The following CNTN6 variants were observed in gnomAD, a reference collection of about 807,000 sequenced individuals.
CNTN6 encodes contactin 6, also known as contactin-6.
Under a neutral mutation model 122.8 loss-of-function variants are expected in CNTN6, and 137 were observed. The ratio of observed to expected loss-of-function variants is 1.12; its 90% CI spans 0.97 to 1.29. CNTN6 has a LOEUF of 1.29. Ranked by LOEUF, CNTN6 falls within the 50% of genes most tolerant of loss-of-function variation. The pLI is 0.00. For missense variants in CNTN6, 1,634 were observed against 1,223.4 expected, an observed-to-expected ratio of 1.34 and a Z score of -5.01; for synonymous variants, 570 against 426.0, an observed-to-expected ratio of 1.34 and a Z score of -4.16.
intron 5 of CNTN6, among the ~76,000 whole-genome samples, chr3:1,282,803 T>C (rs987924766): frequency 2.0e-5 from 3 of 152,184 alleles, no homozygotes; most frequent in Non-Finnish European, 4.4e-5. Context: ...CTATTATAAT[T>C]CTTCCCTATT....
chr3:1,329,908 G>T lies in CNTN6; in HGVS notation c.1337G>T (p.Gly446Val). The change falls in exon 11 of 23, where the codon GGA (glycine) becomes GTA (valine). Residue 446 changes from glycine (G) to valine (V), a missense_variant. Physicochemically the swap from Gly to Val is moderately radical, Grantham distance 109. Coordinates refer to ENST00000446702, the MANE Select transcript of CNTN6 (RefSeq NM_001289080.2). ...FPRAAISWKR[G>V]TETLRQSKRI... Reference sequence around the variant, plus strand: ...AGGGCAGCTATCTCTTGGAAAAGAGGAACGGAGACCCTTAGACAAAGCAAA... The same window carrying T: ...AGGGCAGCTATCTCTTGGAAAAGAGTAACGGAGACCCTTAGACAAAGCAAA... 1 of 1,609,636 alleles carries T rather than the reference G, an allele frequency of 6.2e-7. No individual in the cohort carries two copies. Among genetic ancestry groups the T allele is most frequent in the Non-Finnish European group, 8.5e-7 (1 of 1,177,372 alleles).
intron 11 of CNTN6, among the ~76,000 whole-genome samples, chr3:1,336,310 T>TA (rs1703059313): frequency 6.6e-6 from 1 of 151,912 alleles, no homozygotes; most frequent in African/African-American, 2.4e-5. Context: ...GCACATTTTT[T>TA]TTTCATATTC....
chr3:1,287,135 C>A (rs1200998841), intron 5 of CNTN6, among the ~76,000 whole-genome samples: 1 of 152,108 alleles, frequency 6.6e-6, no homozygotes, highest in South Asian at 2.1e-4. Context: ...GACTTTAACA[C>A]CCCACTGTCA....
chr3:1,180,962 T>G (rs967592931), intron 2 of CNTN6, among the ~76,000 whole-genome samples: 2 of 152,172 alleles, frequency 1.3e-5, no homozygotes, highest in African/African-American at 4.8e-5. Context: ...TTTTTTTACT[T>G]TTTTTTCTTT....
At chr3:1,097,601 T>C (rs2090600380) in intron 1 of CNTN6, among the ~76,000 whole-genome samples, 1 of 152,176 alleles carries the variant, frequency 6.6e-6, no homozygotes, top group Admixed American at 6.5e-5. Flanking sequence ...TCCCTATATC[T>C]AGCACAGAAT....
chr3:1,381,961 A>C (rs1392596748), intron 17 of CNTN6, among the ~76,000 whole-genome samples: 2 of 88 alleles, frequency 0.023, no homozygotes, highest in African/African-American at 0.067. Context: ...CATGGGTTCC[A>C]AGTGGCAAGT....
intron 11 of CNTN6, among the ~76,000 whole-genome samples, chr3:1,336,863 G>A (rs1192378916): frequency 6.6e-6 from 1 of 152,064 alleles, no homozygotes; most frequent in East Asian, 1.9e-4. Flanking sequence ...TTCCATTGTG[G>A]GAAAACTACA....
At chr3:1,108,007 G>C (rs968545679) in intron 1 of CNTN6, among the ~76,000 whole-genome samples, 1 of 152,036 alleles carries the variant, frequency 6.6e-6, no homozygotes, top group African/African-American at 2.4e-5. Context: ...TTAAGGCTCT[G>C]GGTGTTAATG....
At chr3:1,152,665 C>T (rs1286479167) in intron 2 of CNTN6, among the ~76,000 whole-genome samples, 3 of 152,048 alleles carry the variant, frequency 2.0e-5, no homozygotes, top group African/African-American at 7.2e-5. Context: ...CTTTTATGTA[C>T]AATTTGAAAA....
chr3:1,387,912 C>T (rs189308976), intron 20 of CNTN6, among the ~76,000 whole-genome samples: 19 of 152,238 alleles, frequency 1.2e-4, no homozygotes, highest in Middle Eastern at 3.4e-3. Flanking sequence ...GAGGGTCCTA[C>T]GCCCACGGAA....
At chr3:1,381,980 T>G (rs534681052) in intron 17 of CNTN6, among the ~76,000 whole-genome samples, 7 of 151,948 alleles carry the variant, frequency 4.6e-5, no homozygotes, top group African/African-American at 1.7e-4. Context: ...GTAGATAGTG[T>G]GATTGATAGA....
intron 16 of CNTN6, among the ~76,000 whole-genome samples, chr3:1,375,358 C>A (rs1423620574): frequency 6.6e-6 from 1 of 151,974 alleles, no homozygotes; most frequent in Non-Finnish European, 1.5e-5. Flanking sequence ...ATATTCATAC[C>A]CACTGAGTCA....
chr3:1,308,982 T>C (rs1698808333), intron 7 of CNTN6, among the ~76,000 whole-genome samples: 1 of 152,166 alleles, frequency 6.6e-6, no homozygotes, highest in African/African-American at 2.4e-5. Flanking sequence ...ATTGGTATGT[T>C]TATTTTCTTA....
In CNTN6 at chr3:1,388,320, A is replaced by C. The variant is rs578189808; in HGVS notation, c.2704+2523A>C. On this transcript the variant is annotated intron_variant, in intron 20 of 22. Transcript: ENST00000446702. Reference sequence around the variant, plus strand: ...GGGGCACACTGACACCTCACACGGCAGGGTATGCCAACAGACCTGAAGCTG... The same window carrying C: ...GGGGCACACTGACACCTCACACGGCCGGGTATGCCAACAGACCTGAAGCTG... 3.5e-4 allele frequency among the ~76,000 whole-genome samples: 51 copies of C among 146,470 alleles called. 1 individual carries two copies. The highest frequency in any genetic ancestry group is 8.8e-4 in the South Asian group (4 of 4,524).
At position 1,227,853 on chromosome 3, in the gene CNTN6, T is replaced by A; in HGVS notation, c.218T>A (p.Met73Lys). ...AATGGCACAGACATTGATTTTACTATGAGTTATCACTACAGGTTGGATGGA... is the reference window on the plus strand; with the variant it reads ...AATGGCACAGACATTGATTTTACTAAGAGTTATCACTACAGGTTGGATGGA... ...KQNGTDIDFTMSYHYRLDGGS... is the reference protein window; with the variant it reads ...KQNGTDIDFTKSYHYRLDGGS... The change falls in exon 4 of 23, where the codon ATG becomes AAG. Residue 73 changes from methionine to lysine, a missense_variant. Physicochemically the swap from Met to Lys is moderately conservative, Grantham distance 95 (BLOSUM62 -1). Coordinates refer to ENST00000446702, the MANE Select transcript of CNTN6 (RefSeq NM_001289080.2). 6.2e-7 allele frequency: 1 copy of A among 1,613,612 alleles called. No individual in the cohort carries two copies. Among genetic ancestry groups the A allele is most frequent in the Non-Finnish European group, 8.5e-7 (1 of 1,179,568 alleles).
chr3:1,357,104 AAATAT>A (rs1463593101), intron 12 of CNTN6, among the ~76,000 whole-genome samples: 4 of 151,930 alleles, frequency 2.6e-5, no homozygotes, highest in African/African-American at 9.7e-5. Flanking sequence ...ATATTTTACA[AAATAT>A]AATGTAAAGG....
At chr3:1,244,217 G>C (rs936527687) in intron 4 of CNTN6, among the ~76,000 whole-genome samples, 1 of 152,118 alleles carries the variant, frequency 6.6e-6, no homozygotes, top group Admixed American at 6.5e-5. Context: ...CACAGGCTAA[G>C]GGAGAAGAAG....
intron 5 of CNTN6, among the ~76,000 whole-genome samples, chr3:1,292,967 GT>G (rs143341103): frequency 0.099 from 15,090 of 151,678 alleles, 833 homozygotes; most frequent in African/African-American, 0.15. Context: ...TGCTGCTTAG[GT>G]TTTTTTTCCC....
intron 1 of CNTN6, among the ~76,000 whole-genome samples, chr3:1,094,656 T>A (rs1264503529): frequency 6.6e-6 from 1 of 152,128 alleles, no homozygotes; most frequent in East Asian, 1.9e-4. Flanking sequence ...ACTTGTTTAC[T>A]TAGAAAAGGA....
Sources: allele counts gnomAD v4.1 joint callset (sites outside exome capture counted in the v4.1 genomes callset), GRCh38; gene constraint gnomAD v4.1.1; transcripts MANE v1.5; gene names NCBI Gene and HGNC (gene_info 2026-07-23, HGNC 2026-07-21).